Variants in FGD1 observed in about 807,000 individuals in gnomAD.
FGD1 encodes FYVE, RhoGEF and PH domain-containing protein 1.
In FGD1, 12 loss-of-function variants were observed where a neutral mutation model predicts 65.0. The observed-to-expected ratio is 0.18, with a 90% CI of 0.12 to 0.30. The LOEUF (loss-of-function observed/expected upper bound fraction) is 0.30. Among genes scored for constraint, FGD1 ranks in the 10% least tolerant of loss-of-function variants. The pLI, the probability that FGD1 is intolerant of heterozygous loss-of-function variation, is 1.00. For synonymous variants in FGD1, 333 were observed against 343.9 expected, an observed-to-expected ratio of 0.97 and a Z score of 0.35; for missense variants, 542 against 837.6, an observed-to-expected ratio of 0.65 and a Z score of 4.36.
At chrX:54,491,445 T>C (rs1384780121) in intron 1 of FGD1, among the ~76,000 whole-genome samples, 2 of 112,338 alleles carry the variant, frequency 1.8e-5, no homozygotes, top group Non-Finnish European at 3.8e-5. Context: ...TTTAATCCCA[T>C]GCCTCCATTT....
chrX:54,479,684 G>A (rs1255450120), intron 1 of FGD1, among the ~76,000 whole-genome samples: 3 of 108,148 alleles, frequency 2.8e-5, no homozygotes, highest in Admixed American at 1.0e-4. Flanking sequence ...GGGTGGGGTG[G>A]GGAAAGGGAG....
chrX:54,459,971 T>TA (rs142690548), intron 8 of FGD1, among the ~76,000 whole-genome samples: 9,248 of 102,775 alleles, frequency 0.09, 579 homozygotes, highest in East Asian at 0.47. Context: ...TACTTTCACT[T>TA]AAAAAAAAAA....
chrX:54,479,727 A>G (rs1923099803), intron 1 of FGD1, among the ~76,000 whole-genome samples: 1 of 99,509 alleles, frequency 1.0e-5, no homozygotes, highest in Non-Finnish European at 2.0e-5. Flanking sequence ...CAGAAAGGAA[A>G]GTGCCTTTTG....
At position 54,447,361 on chromosome X, in the gene FGD1, C is replaced by T. The variant is rs199778891; in HGVS notation, c.2530G>A (p.Val844Met). The change falls in exon 17 of 18, where the codon GTG (valine) becomes ATG (methionine). Residue 844 changes from valine to methionine, a missense_variant. Val to Met is a conservative substitution (Grantham distance 21). Coordinates refer to ENST00000375135, the MANE Select transcript of FGD1 (RefSeq NM_004463.3). ...GGKGWHKAWF[V>M]VPENEPLVLY... is the part of the protein sequence containing the mutation. ...ACCAAGGGTTCATTTTCAGGGACCA[C>T]GAACCATGCCTTGTGCCATCCTTTG... 3 of 1,210,320 alleles carry T rather than the reference C, an allele frequency of 2.5e-6. No individual in the cohort carries two copies. The highest frequency in any genetic ancestry group is 1.7e-5 in the African/African-American group (1 of 57,448).
chrX:54,491,863 C>T (rs748892318), intron 1 of FGD1, among the ~76,000 whole-genome samples: 83 of 110,496 alleles, frequency 7.5e-4, no homozygotes, highest in African/African-American at 2.5e-3. Flanking sequence ...TCTGAAGATG[C>T]CTCAGGATCC....
At chrX:54,460,340 T>G (rs1351433939) in intron 8 of FGD1, among the ~76,000 whole-genome samples, 1 of 110,983 alleles carries the variant, frequency 9.0e-6, no homozygotes, top group Non-Finnish European at 1.9e-5. Flanking sequence ...CTTGGGAGAC[T>G]GAGGCAGGGG....
chrX:54,487,365 T>C (rs1209943043), intron 1 of FGD1, among the ~76,000 whole-genome samples: 1 of 112,101 alleles, frequency 8.9e-6, no homozygotes, highest in Non-Finnish European at 1.9e-5. Context: ...ATGGTATGTG[T>C]TGGTGGTGAA....
At chrX:54,484,337 CT>C (rs1336772214) in intron 1 of FGD1, among the ~76,000 whole-genome samples, 1 of 110,175 alleles carries the variant, frequency 9.1e-6, no homozygotes, top group East Asian at 2.8e-4. Context: ...GTCTTTCCTG[CT>C]AGATATCAGC....
intron 14 of FGD1, 95 bp from the exon 15 acceptor site, chrX:54,449,363 G>C (rs1436215225): frequency 1.9e-6 from 2 of 1,074,930 alleles, no homozygotes; most frequent in Non-Finnish European, 2.5e-6. Context: ...ATTATCATGG[G>C]GTGGGGATGG....
intron 1 of FGD1, 74 bp from the exon 2 acceptor site, chrX:54,471,561 G>T: frequency 1.0e-6 from 1 of 995,055 alleles, no homozygotes; most frequent in Non-Finnish European, 1.4e-6. Context: ...AGTTAGGACT[G>T]GCATGTCTTA....
chrX:54,472,473 G>A (rs1404106573), intron 1 of FGD1, among the ~76,000 whole-genome samples: 1 of 110,588 alleles, frequency 9.0e-6, no homozygotes, highest in Non-Finnish European at 1.9e-5. Context: ...AAAAGGGGAG[G>A]CCTTTTTATA....
intron 1 of FGD1, among the ~76,000 whole-genome samples, chrX:54,494,017 C>T (rs921287694): frequency 1.8e-5 from 2 of 112,544 alleles, no homozygotes; most frequent in African/African-American, 6.5e-5. Context: ...GGGCTCAGGC[C>T]CGTATGAGAA....
intron 1 of FGD1, among the ~76,000 whole-genome samples, chrX:54,487,833 C>T (rs1038036019): frequency 9.1e-6 from 1 of 110,012 alleles, no homozygotes; most frequent in African/African-American, 3.3e-5. Flanking sequence ...GCCTGTAATC[C>T]CAGCTACTCA....
chrX:54,494,494 C>T (rs1923485161), intron 1 of FGD1, among the ~76,000 whole-genome samples: 1 of 96,297 alleles, frequency 1.0e-5, no homozygotes, highest in Non-Finnish European at 2.0e-5. Context: ...CTTGGCATTA[C>T]TTTCATGGTC....
At chrX:54,447,554 C>T (rs1922254001) in intron 16 of FGD1, 100 bp from the exon 17 acceptor site, 2 of 886,837 alleles carry the variant, frequency 2.3e-6, no homozygotes, top group African/African-American at 3.9e-5. Context: ...ATTCCTATCT[C>T]AGATGAAGAC....
rs1569541238 is a variant in FGD1 at position 54,467,772 on chromosome X, AG to A, written c.1340+11del. 1.5e-5 allele frequency: 17 copies of A among 1,167,649 alleles called. No homozygotes were observed. The highest frequency in any genetic ancestry group is 1.9e-5 in the Non-Finnish European group (17 of 872,628). On this transcript the variant is annotated intron_variant, in intron 6 of 17. Coordinates refer to ENST00000375135, the MANE Select transcript of FGD1 (RefSeq NM_004463.3). ...ACAGGGGAGTGGGCAGTCTAGGTCT[AG>A]GGCCCCTCACCATTCCTCCATGCGC... is the stretch of plus-strand genomic sequence containing the variant.
chrX:54,474,968 G>A (rs1176902410), intron 1 of FGD1, among the ~76,000 whole-genome samples: 1 of 112,336 alleles, frequency 8.9e-6, no homozygotes, highest in Middle Eastern at 4.2e-3. Context: ...TACCCTATCT[G>A]TAGCAAAGCA....
At chrX:54,469,235 C>T (rs1199268722) in intron 4 of FGD1, among the ~76,000 whole-genome samples, 1 of 112,020 alleles carries the variant, frequency 8.9e-6, no homozygotes, top group African/African-American at 3.2e-5. Context: ...TCTTTAACAG[C>T]TCTGTATTTA....
intron 16 of FGD1, among the ~76,000 whole-genome samples, 194 bp from the exon 17 acceptor site, chrX:54,447,648 G>C (rs756607152): frequency 8.9e-6 from 1 of 112,900 alleles, no homozygotes; most frequent in East Asian, 2.8e-4. Flanking sequence ...AGGTTCGTCT[G>C]CCTCATTTGG....
Sources: allele counts gnomAD v4.1 joint callset (sites outside exome capture counted in the v4.1 genomes callset), GRCh38; gene constraint gnomAD v4.1.1; transcripts MANE v1.5; gene names NCBI Gene and HGNC (gene_info 2026-07-23, HGNC 2026-07-21).